The following ANK2 variants were observed in gnomAD, a reference collection of about 807,000 sequenced individuals.
ANK2 encodes the protein ankyrin-2.
ANK2 carries 83 observed loss-of-function variants against 360.5 expected under a neutral mutation model. The observed-to-expected ratio is 0.23, with a 90% confidence interval of 0.19 to 0.28. The LOEUF (loss-of-function observed/expected upper bound fraction) is 0.28. ANK2 is among the 10% of genes least tolerant of loss of function. The pLI, the probability that ANK2 is intolerant of heterozygous loss-of-function variation, is 1.00. For missense variants in ANK2, 4,201 were observed against 4,795.7 expected, an observed-to-expected ratio of 0.88 and a Z score of 3.66; for synonymous variants, 1,740 against 1,759.5, an observed-to-expected ratio of 0.99 and a Z score of 0.28.
chr4:113,018,826 C>T (rs1477454335), intron 2 of ANK2, among the ~76,000 whole-genome samples: 1 of 152,174 alleles, frequency 6.6e-6, no homozygotes, highest in African/African-American at 2.4e-5. Flanking sequence ...GATAAACAGA[C>T]TTGACTTACT....
chr4:112,781,772 G>A, the ANK2 span, among the ~76,000 whole-genome samples: 72 of 151,018 alleles, frequency 4.8e-4, no homozygotes, highest in African/African-American at 1.7e-3. Context: ...AATTTTAACA[G>A]TGACTATTTT....
chr4:113,186,134 A>T (rs1253472253), intron 2 of ANK2, among the ~76,000 whole-genome samples: 1 of 152,188 alleles, frequency 6.6e-6, no homozygotes, highest in Non-Finnish European at 1.5e-5. Context: ...GAGCTGACAG[A>T]CACCTCATAC....
intron 1 of ANK2, among the ~76,000 whole-genome samples, chr4:113,109,513 G>T (rs1462906391): frequency 1.3e-5 from 2 of 152,136 alleles, no homozygotes; most frequent in East Asian, 3.9e-4. Flanking sequence ...TGAGGTCTCA[G>T]ATGACTGTGA....
chr4:113,339,104 TTTTCAATGTGCCATTTTGAGGGGTGG>T (rs2093947696), intron 31 of ANK2, 96 bp from the exon 32 acceptor site: 1 of 786,492 alleles, frequency 1.3e-6, no homozygotes, highest in African/African-American at 1.7e-5. Flanking sequence ...AGTCATTTTG[TTTTCAATGTGCCATTTTGAGGGGTGG>T]GATTTGGCTT....
chr4:112,773,177 T>C, the ANK2 span, among the ~76,000 whole-genome samples: 1 of 151,768 alleles, frequency 6.6e-6, no homozygotes, highest in South Asian at 2.1e-4. Flanking sequence ...ATTAGCCAGG[T>C]GTGGTGGTGG....
At chr4:112,825,694 T>C (rs2058277531) in intron 1 of ANK2, among the ~76,000 whole-genome samples, 1 of 152,194 alleles carries the variant, frequency 6.6e-6, no homozygotes, top group African/African-American at 2.4e-5. Flanking sequence ...ATTAATATAT[T>C]TACATGACAT....
At chr4:112,872,381 A>C (rs2073448675) in intron 1 of ANK2, among the ~76,000 whole-genome samples, 1 of 150,298 alleles carries the variant, frequency 6.7e-6, no homozygotes, top group South Asian at 2.1e-4. Context: ...CTTGTTGCCC[A>C]GGCTGGAGTG....
rs1459833561 is a variant in ANK2, at chr4:113,381,753, A to C, written c.*282A>C. 8.8e-7 allele frequency: 1 copy of C among 1,142,540 alleles called. No homozygotes were observed. The allele number at this position is 1,142,540 out of a possible 1,614,324, so 70.8% of individuals were successfully genotyped here. A position where few individuals can be genotyped will look rare whatever the true frequency, so the allele number is the denominator to read the frequency against. On this transcript the variant is annotated 3_prime_UTR_variant, in exon 46 of 46. Transcript: ENST00000357077. ...ATTAATGGGATACCCCGACATTTCCACTGTTAGCAAATATACGGCATTTTG... is the reference window on the plus strand; with the variant it reads ...ATTAATGGGATACCCCGACATTTCCCCTGTTAGCAAATATACGGCATTTTG...
At chr4:112,836,376 T>A (rs2060992722) in intron 1 of ANK2, among the ~76,000 whole-genome samples, 1 of 152,144 alleles carries the variant, frequency 6.6e-6, no homozygotes, top group Non-Finnish European at 1.5e-5. Context: ...TTTATAGCAG[T>A]GTGAGAAAGG....
chr4:113,353,442 T>G lies in ANK2; in HGVS notation c.4824T>G (p.Pro1608=). The change falls in exon 38 of 46, where the codon CCT becomes CCG. Residue 1608 remains proline, a synonymous_variant. Transcript: ENST00000357077. ...TAGAAGAGGCTAGGCAAAAAGCACC[T>G]TTAGAAATCACTGAATATCCATGTG... ...EEIEEARQKA[P]LEITEYPCVE... The G allele has an allele frequency of 6.2e-7, 1 of 1,614,080 alleles. No individual in the cohort carries two copies. Among genetic ancestry groups the G allele is most frequent in the African/African-American group, 1.3e-5 (1 of 75,040 alleles).
At chr4:112,764,246 TC>T in the ANK2 span, among the ~76,000 whole-genome samples, 1 of 152,048 alleles carries the variant, frequency 6.6e-6, no homozygotes, top group African/African-American at 2.4e-5. Flanking sequence ...CCCGGCCCCC[TC>T]TGGCTTTCAT....
At chr4:112,996,322 A>G (rs1018901184) in intron 2 of ANK2, among the ~76,000 whole-genome samples, 2 of 152,168 alleles carry the variant, frequency 1.3e-5, no homozygotes, top group South Asian at 4.1e-4. Context: ...AGGAGTGATG[A>G]ATATATGTTC....
intron 8 of ANK2, among the ~76,000 whole-genome samples, chr4:113,241,050 A>G (rs1034025200): frequency 2.0e-5 from 3 of 152,220 alleles, no homozygotes; most frequent in African/African-American, 4.8e-5. Flanking sequence ...ACATTGTTAC[A>G]TGTTTCATGG....
chr4:112,927,313 G>T (rs1218960612), intron 2 of ANK2, among the ~76,000 whole-genome samples: 1 of 152,096 alleles, frequency 6.6e-6, no homozygotes, highest in African/African-American at 2.4e-5. Context: ...TCTTATATTG[G>T]TATGATAGCT....
intron 1 of ANK2, among the ~76,000 whole-genome samples, chr4:113,135,129 T>C (rs1485847838): frequency 2.0e-5 from 3 of 151,896 alleles, no homozygotes; most frequent in African/African-American, 7.3e-5. Flanking sequence ...GGCTGATAAC[T>C]GTGGGGTGTT....
At chr4:113,275,937 GTT>G (rs557950582) in intron 15 of ANK2, among the ~76,000 whole-genome samples, 4 of 118,844 alleles carry the variant, frequency 3.4e-5, no homozygotes, top group East Asian at 2.5e-4. Flanking sequence ...GTTAAACAGT[GTT>G]TTTTTTTTTT....
At chr4:113,331,195 A>G (rs1444561387) in intron 27 of ANK2, among the ~76,000 whole-genome samples, 2 of 152,224 alleles carry the variant, frequency 1.3e-5, no homozygotes, top group Admixed American at 1.3e-4. Flanking sequence ...ACAAGTTTCA[A>G]AATATTTTGA....
intron 1 of ANK2, among the ~76,000 whole-genome samples, chr4:113,167,800 A>T (rs2097800084): frequency 6.6e-6 from 1 of 152,166 alleles, no homozygotes; most frequent in Non-Finnish European, 1.5e-5. Flanking sequence ...ACTGATTTCT[A>T]ACACTATGGA....
At chr4:113,058,119 A>G (rs1332000187) in intron 1 of ANK2, among the ~76,000 whole-genome samples, 1 of 152,098 alleles carries the variant, frequency 6.6e-6, no homozygotes, top group Non-Finnish European at 1.5e-5. Context: ...ATGACCAACC[A>G]TTTCACTTCT....
Sources: allele counts gnomAD v4.1 joint callset (sites outside exome capture counted in the v4.1 genomes callset), GRCh38; gene constraint gnomAD v4.1.1; transcripts MANE v1.5; gene names NCBI Gene and HGNC (gene_info 2026-07-23, HGNC 2026-07-21).